Variants in PHACTR2 observed in about 807,000 individuals in gnomAD.
PHACTR2 encodes the protein phosphatase and actin regulator 2.
A neutral mutation model predicts 76.0 loss-of-function variants in PHACTR2; 30 were observed. That is an observed-to-expected ratio of 0.39 (90% CI 0.30 to 0.54). The LOEUF is 0.54. Ranked by LOEUF, PHACTR2 falls within the 20% of genes least tolerant of loss-of-function variation. PHACTR2 has a pLI of 0.61. For synonymous variants in PHACTR2, 292 were observed against 292.5 expected (o/e 1.00, Z 0.02); for missense variants, 696 against 781.1 (o/e 0.89, Z 1.30).
intron 1 of PHACTR2, among the ~76,000 whole-genome samples, chr6:143,538,779 C>T (rs1468462322): frequency 6.6e-6 from 1 of 152,218 alleles, no homozygotes; most frequent in Non-Finnish European, 1.5e-5. Flanking sequence ...ACTTGAAAAA[C>T]CTCAAAAGCA....
At chr6:143,655,656 C>A (rs1776836592) in intron 1 of PHACTR2, among the ~76,000 whole-genome samples, 1 of 152,168 alleles carries the variant, frequency 6.6e-6, no homozygotes, top group Non-Finnish European at 1.5e-5. Context: ...ACGGAAGCCA[C>A]AGATTTTGTA....
In PHACTR2 at chr6:143,627,725, T is replaced by A. The variant is rs1024383595; in HGVS notation, c.13+19403T>A. The stretch of plus-strand genomic sequence containing the variant: ...CAAGCGATTCTCCTGCCTCAGCCTC[T>A]CTAGTAGCTGGGACTACAGGCTCGT... On this transcript the variant is annotated intron_variant, in intron 1 of 11. Transcript: ENST00000305766. The surrounding 1 kb of genome is among the most constrained non-coding windows in gnomAD (Gnocchi z 4.3). Among the ~76,000 whole-genome samples the A allele has an allele frequency of 6.6e-6, 1 of 151,740 alleles. No homozygotes were observed. The highest frequency in any genetic ancestry group is 1.5e-5 in the Non-Finnish European group (1 of 67,910).
intron 1 of PHACTR2, among the ~76,000 whole-genome samples, chr6:143,661,114 C>A (rs938563040): frequency 3.9e-5 from 6 of 152,084 alleles, no homozygotes; most frequent in Admixed American, 6.5e-5. Context: ...ATAAAAAATT[C>A]ATAGTAAAAT....
rs558243679 is a variant in PHACTR2 at position 143,562,284 on chromosome 6, G to A, written c.217+25077G>A. 1.8e-3 allele frequency among the ~76,000 whole-genome samples: 271 copies of A among 152,252 alleles called. 1 individual carries two copies. Among genetic ancestry groups the A allele is most frequent in the South Asian group, 0.011 (55 of 4,822 alleles). ...GTTCTGCAGGCTGTACAGGAAGCAC[G>A]GTGCTGGCATCTGCTTGGCCTCCCC... On this transcript the variant is annotated intron_variant, in intron 1 of 11. Transcript: ENST00000367584. This position sits in a 1 kb window ranked among gnomAD's most constrained non-coding sequence, Gnocchi z 5.1.
In PHACTR2 at chr6:143,618,947, G is replaced by C. The variant is rs900655349; in HGVS notation, c.13+10625G>C. ...ACTAAGTACTGTACCTGGCAGAGGA[G>C]GTGTGTTCCATAAGCAGGCAAATGA... On this transcript the variant is annotated intron_variant, in intron 1 of 11. Coordinates refer to the PHACTR2 transcript ENST00000305766. The surrounding 1 kb of genome is among the most constrained non-coding windows in gnomAD (Gnocchi z 5.2). Among the ~76,000 whole-genome samples the C allele has an allele frequency of 6.6e-6, 1 of 152,112 alleles. No homozygotes were observed. Among genetic ancestry groups the C allele is most frequent in the Non-Finnish European group, 1.5e-5 (1 of 68,026 alleles).
chr6:143,790,518 A>C (rs1308784404), intron 11 of PHACTR2, among the ~76,000 whole-genome samples: 1 of 152,118 alleles, frequency 6.6e-6, no homozygotes, highest in Non-Finnish European at 1.5e-5. Flanking sequence ...ATTATGAATG[A>C]GATTGAACAT....
At chr6:143,590,597 G>T (rs1775678683) in intron 1 of PHACTR2, among the ~76,000 whole-genome samples, 1 of 151,318 alleles carries the variant, frequency 6.6e-6, no homozygotes, top group African/African-American at 2.4e-5. Flanking sequence ...TATTGAAAAA[G>T]AGAAAGGAAG....
chr6:143,813,436 G>A (rs1776223588), intron 12 of PHACTR2, among the ~76,000 whole-genome samples: 1 of 151,964 alleles, frequency 6.6e-6, no homozygotes, highest in Non-Finnish European at 1.5e-5. Flanking sequence ...TGGCTAACAC[G>A]GTGAAACCCC....
intron 2 of PHACTR2, among the ~76,000 whole-genome samples, chr6:143,718,749 A>C (rs1778360227): frequency 1.3e-5 from 2 of 152,198 alleles, no homozygotes; most frequent in African/African-American, 2.4e-5. Flanking sequence ...ACATCTAGAA[A>C]GTAGGGCGAA....
intron 2 of PHACTR2, among the ~76,000 whole-genome samples, chr6:143,741,714 G>A (rs1316640564): frequency 6.6e-6 from 1 of 152,146 alleles, no homozygotes. Context: ...TCTTGAGTGG[G>A]TAAAGAGGGG....
upstream of PHACTR2, among the ~76,000 whole-genome samples, chr6:143,676,314 A>C (rs1260399450): frequency 1.3e-5 from 2 of 152,242 alleles, no homozygotes; most frequent in African/African-American, 2.4e-5. The surrounding 1 kb of genome is among the most constrained non-coding windows in gnomAD (Gnocchi z 4.8). Context: ...CTTTGAAATA[A>C]GAATTTATAG....
chr6:143,608,244 GT>G lies in PHACTR2; in HGVS notation c.-64del. On this transcript the variant is annotated 5_prime_UTR_variant, in exon 1 of 12. Transcript: ENST00000305766. The surrounding 1 kb of genome is among the most constrained non-coding windows in gnomAD (Gnocchi z 4.6). ...AATCAGCAGAAGGACAGGGTGCTTC[GT>G]TAGTCAGAAGAGCCAGGGCTTCCCG... is the stretch of plus-strand genomic sequence containing the variant. The G allele has an allele frequency of 1.3e-6, 2 of 1,579,642 alleles. No individual in the cohort carries two copies. Among genetic ancestry groups the G allele is most frequent in the Non-Finnish European group, 8.7e-7 (1 of 1,149,472 alleles).
At position 143,549,003 on chromosome 6, in the gene PHACTR2, G is replaced by T. The variant is rs1356818083; in HGVS notation, c.217+11796G>T. ...GGTGGGGGCACCTGTGGCTTGAGGA[G>T]TATAAAGAGTACAGGGAAGAAGGCT... On this transcript the variant is annotated intron_variant, in intron 1 of 11. Transcript: ENST00000367584. This position sits in a 1 kb window ranked among gnomAD's most constrained non-coding sequence, Gnocchi z 4.2. Among the ~76,000 whole-genome samples the T allele has an allele frequency of 1.3e-5, 2 of 151,856 alleles. No individual in the cohort carries two copies. Among genetic ancestry groups the T allele is most frequent in the African/African-American group, 2.4e-5 (1 of 41,374 alleles).
rs1776248735 is a variant in PHACTR2, at chr6:143,625,847, T to C, written c.13+17525T>C. ...ACCAGATCAACAAGTAAATGTATGA[T>C]AAAATGCCAGGAAGTGGTAAGAACC... is the stretch of plus-strand genomic sequence containing the variant. On this transcript the variant is annotated intron_variant, in intron 1 of 11. Coordinates refer to the PHACTR2 transcript ENST00000305766. This position sits in a 1 kb window ranked among gnomAD's most constrained non-coding sequence, Gnocchi z 4.3. Among the ~76,000 whole-genome samples the C allele has an allele frequency of 6.6e-6, 1 of 152,150 alleles. No homozygotes were observed.
intron 3 of PHACTR2, 36 bp downstream of exon 3, chr6:143,749,101 T>C (rs1405015606): frequency 1.8e-6 from 2 of 1,097,354 alleles, no homozygotes; most frequent in East Asian, 2.4e-5. Context: ...AATATTTTGG[T>C]CCTTCATTCT....
In PHACTR2 at chr6:143,554,635, G is replaced by A. The variant is rs538643041; in HGVS notation, c.217+17428G>A. On this transcript the variant is annotated intron_variant, in intron 1 of 11. Coordinates refer to the PHACTR2 transcript ENST00000367584. The surrounding 1 kb of genome is among the most constrained non-coding windows in gnomAD (Gnocchi z 5.9). Reference sequence around the variant, plus strand: ...AACTCGATTGAGGGTGGGAGTTCTCGGTAAACCAATTTAGCAGGGCTTTTG... The same window carrying A: ...AACTCGATTGAGGGTGGGAGTTCTCAGTAAACCAATTTAGCAGGGCTTTTG... The A allele has an allele frequency of 3.3e-5, 5 of 152,252 alleles. No individual in the cohort carries two copies. Among genetic ancestry groups the A allele is most frequent in the East Asian group, 1.9e-4 (1 of 5,180 alleles). 9.4% of individuals were successfully genotyped at this position (152,252 alleles called of 1,614,324 possible).
intron 1 of PHACTR2, among the ~76,000 whole-genome samples, chr6:143,544,939 G>A (rs546164546): frequency 8.6e-4 from 124 of 144,788 alleles, no homozygotes; most frequent in African/African-American, 3.0e-3. Flanking sequence ...AATAATGAGA[G>A]ATTTTTGTTT....
At position 143,589,261 on chromosome 6, in the gene PHACTR2, G is replaced by A. The variant is rs1214457494; in HGVS notation, c.217+52054G>A. ...TGTTGGAGGAGGGGTCTGGTGGGAG[G>A]TGATTGGATCATGGGGGTGGATTTC... On this transcript the variant is annotated intron_variant, in intron 1 of 11. Transcript: ENST00000367584. This position sits in a 1 kb window ranked among gnomAD's most constrained non-coding sequence, Gnocchi z 4.4. Among the ~76,000 whole-genome samples the A allele has an allele frequency of 6.6e-6, 1 of 152,162 alleles. No individual in the cohort carries two copies. The highest frequency in any genetic ancestry group is 1.5e-5 in the Non-Finnish European group (1 of 68,024).
At chr6:143,812,903 C>T (rs1333224098) in intron 12 of PHACTR2, among the ~76,000 whole-genome samples, 2 of 152,188 alleles carry the variant, frequency 1.3e-5, no homozygotes, top group Non-Finnish European at 2.9e-5. Context: ...AAATAACTCT[C>T]TAAATTCTAA....
Sources: allele counts gnomAD v4.1 joint callset (sites outside exome capture counted in the v4.1 genomes callset), GRCh38; gene constraint gnomAD v4.1.1; non-coding constraint Gnocchi (gnomAD v3.1); transcripts MANE v1.5; gene names NCBI Gene and HGNC (gene_info 2026-07-23, HGNC 2026-07-21).